Variants in AZIN1 observed in about 807,000 individuals in gnomAD.
The protein encoded by AZIN1 is antizyme inhibitor 1, also known as ornithine decarboxylase antizyme inhibitor.
In AZIN1, 12 loss-of-function variants were observed where a neutral mutation model predicts 47.4. That is an observed-to-expected ratio of 0.25 (90% CI 0.16 to 0.41). The LOEUF is 0.41. Ranked by LOEUF, AZIN1 falls within the 10% of genes least tolerant of loss-of-function variation. The pLI is 1.00. For synonymous variants in AZIN1, 155 were observed against 176.3 expected (o/e 0.88, Z 0.96); for missense variants, 410 against 532.4 (o/e 0.77, Z 2.26).
rs574640320 is a variant in AZIN1 at position 102,826,650 on chromosome 8, A to G, written c.*1917T>C. The G allele has an allele frequency of 6.5e-6, 1 of 152,758 alleles. No individual in the cohort carries two copies. Among genetic ancestry groups the G allele is most frequent in the Non-Finnish European group, 1.5e-5 (1 of 68,028 alleles). 9.5% of individuals were successfully genotyped at this position (152,758 alleles called of 1,614,324 possible). On this transcript the variant is annotated 3_prime_UTR_variant, in exon 12 of 12. Coordinates refer to ENST00000337198, the MANE Select transcript of AZIN1 (RefSeq NM_148174.4). ...TATTTGCAACTCTGAGCTATTTCTT[A>G]TAGAACAGCTCTCCTGCAGATATGG...
chr8:102,854,272 G>A (rs1300106254), intron 2 of AZIN1, among the ~76,000 whole-genome samples: 2 of 152,102 alleles, frequency 1.3e-5, no homozygotes, highest in East Asian at 3.9e-4. Context: ...AACTTACAGT[G>A]AAACATGAGG....
intron 1 of AZIN1, among the ~76,000 whole-genome samples, chr8:102,860,419 T>C (rs959181227): frequency 9.9e-5 from 15 of 152,128 alleles, no homozygotes; most frequent in African/African-American, 3.6e-4. Flanking sequence ...TGTGCCACCA[T>C]GCCCGGCTAA....
rs369799853 is a variant in AZIN1 at position 102,829,336 on chromosome 8, C to G, written c.1171G>C (p.Glu391Gln). 161 of 1,613,808 alleles carry G rather than the reference C, an allele frequency of 1.0e-4. No homozygotes were observed. The highest frequency in any genetic ancestry group is 1.3e-4 in the Non-Finnish European group (154 of 1,179,898). ...TGAAAATCATTAAAAGCAGATGGTT[C>G]ATGGAAAGAATCTGCTCCCATGTTA... ...FDNMGADSFH[E>Q]PSAFNDFQRP... The change falls in exon 11 of 12, where the codon GAA becomes CAA. Residue 391 changes from glutamate to glutamine, a missense_variant. By Grantham distance (29) the Glu-to-Gln change is conservative. Around this residue, in one of 3 missense-constraint regions of AZIN1, gnomAD observed 168 missense variants for 198.3 expected, o/e 0.85. Transcript: ENST00000337198.
chr8:102,831,983 C>T lies in AZIN1; in HGVS notation c.904+1073G>A, dbSNP rs527885526. ...TAGCATCATCAATATTAGAATTGGC[C>T]ACTATCATGTGCCTCCTAACATGAT... On this transcript the variant is annotated intron_variant, in intron 9 of 11. Transcript: ENST00000337198. 2.9e-4 allele frequency among the ~76,000 whole-genome samples: 44 copies of T among 152,160 alleles called. 1 individual carries two copies. Among genetic ancestry groups the T allele is most frequent in the South Asian group, 2.1e-4 (1 of 4,818 alleles).
intron 5 of AZIN1, among the ~76,000 whole-genome samples, chr8:102,837,030 G>C (rs1586165842): frequency 6.6e-6 from 1 of 151,922 alleles, no homozygotes; most frequent in East Asian, 1.9e-4. Context: ...CAATTCTCCT[G>C]CCTCAGCCTC....
At chr8:102,863,065 G>T (rs1813821624) in intron 1 of AZIN1, among the ~76,000 whole-genome samples, 1 of 152,232 alleles carries the variant, frequency 6.6e-6, no homozygotes, top group South Asian at 2.1e-4. Flanking sequence ...GAGTGAAGGC[G>T]ACTTGACCCA....
intron 3 of AZIN1, 129 bp from the exon 4 acceptor site, chr8:102,839,952 T>C: frequency 3.7e-6 from 2 of 537,838 alleles, no homozygotes; most frequent in Non-Finnish European, 6.3e-6. Context: ...CATACAGTAA[T>C]ACATTTAAAG....
At chr8:102,836,486 C>T (rs1162836748) in intron 5 of AZIN1, 96 bp from the exon 6 acceptor site, 1 of 1,329,828 alleles carries the variant, frequency 7.5e-7, no homozygotes, top group Admixed American at 2.0e-5. Context: ...GATTATGTTG[C>T]CAGTGCTCCC....
At position 102,864,058 on chromosome 8, in the gene AZIN1, C is replaced by T. The variant is rs537466128; in HGVS notation, c.-485G>A. Reference sequence around the variant, plus strand: ...GCTGGGTGGGAAGAGGATTCGGACTCGTCACACTGCAGAGCAGCAGAGCGA... The same window carrying T: ...GCTGGGTGGGAAGAGGATTCGGACTTGTCACACTGCAGAGCAGCAGAGCGA... On this transcript the variant is annotated 5_prime_UTR_variant, in exon 1 of 12. Transcript: ENST00000337198. 9 of 158,546 alleles carry T rather than the reference C, an allele frequency of 5.7e-5. No homozygotes were observed. The highest frequency in any genetic ancestry group is 9.7e-5 in the Non-Finnish European group (7 of 72,058). 9.8% of individuals were successfully genotyped at this position (158,546 alleles called of 1,614,324 possible). A position where few individuals can be genotyped will look rare whatever the true frequency, so the allele number is the denominator to read the frequency against.
In AZIN1 at chr8:102,832,079, T is replaced by G. The variant is rs556140039; in HGVS notation, c.904+977A>C. On this transcript the variant is annotated intron_variant, in intron 9 of 11. Coordinates refer to ENST00000337198, the MANE Select transcript of AZIN1 (RefSeq NM_148174.4). ...AATGCATAGCCTAAAAAATTAATCA[T>G]GAGGAATCATCCAACAAACCCAAAC... Among the ~76,000 whole-genome samples, 292 of 152,286 alleles carry G rather than the reference T, an allele frequency of 1.9e-3. 1 individual carries two copies. Among genetic ancestry groups the G allele is most frequent in the African/African-American group, 6.8e-3 (284 of 41,556 alleles).
chr8:102,834,446 G>C (rs1343053449), intron 7 of AZIN1, among the ~76,000 whole-genome samples, 183 bp from the exon 8 acceptor site: 3 of 152,026 alleles, frequency 2.0e-5, no homozygotes, highest in Non-Finnish European at 2.9e-5. Flanking sequence ...GATTTTATTT[G>C]TACTCTCTTC....
chr8:102,840,667 T>C (rs932680885), intron 3 of AZIN1, among the ~76,000 whole-genome samples: 2 of 152,238 alleles, frequency 1.3e-5, no homozygotes, highest in East Asian at 3.8e-4. Flanking sequence ...AGATGACTTA[T>C]GCAGTTGGAC....
intron 1 of AZIN1, among the ~76,000 whole-genome samples, chr8:102,860,929 AAAAC>A (rs770240948): frequency 1.3e-5 from 2 of 152,226 alleles, no homozygotes; most frequent in Admixed American, 6.5e-5. Context: ...ATGGTAATGA[AAAAC>A]AAAGGAAGAC....
chr8:102,845,637 T>TA (rs1039487193), intron 2 of AZIN1, among the ~76,000 whole-genome samples: 1 of 151,956 alleles, frequency 6.6e-6, no homozygotes, highest in Non-Finnish European at 1.5e-5. Context: ...TAAGAACAAT[T>TA]AAAAAAATAA....
Position 102,833,222 on chromosome 8 carries a change from T to C in AZIN1, c.742-4A>G, listed in dbSNP as rs772369106. 6.2e-7 allele frequency: 1 copy of C among 1,609,276 alleles called. No individual in the cohort carries two copies. The highest frequency in any genetic ancestry group is 8.5e-7 in the Non-Finnish European group (1 of 1,178,064). On this transcript the variant is annotated splice_region_variant and splice_polypyrimidine_tract_variant and intron_variant, in intron 8 of 11. Coordinates refer to ENST00000337198, the MANE Select transcript of AZIN1 (RefSeq NM_148174.4). The stretch of plus-strand genomic sequence containing the variant: ...GAGGGCTGATAACATGATTAACCTA[T>C]GGATTTTAAATGCCACAGTATGGTT...
intron 2 of AZIN1, chr8:102,854,627 T>TATATA (rs1554583734): frequency 2.7e-5 from 3 of 109,846 alleles, no homozygotes; most frequent in Non-Finnish European, 6.1e-5. Flanking sequence ...TATATATATA[T>TATATA]TTTTTTTCCC....
At chr8:102,860,482 C>A (rs1813570531) in intron 1 of AZIN1, among the ~76,000 whole-genome samples, 1 of 152,082 alleles carries the variant, frequency 6.6e-6, no homozygotes, top group Non-Finnish European at 1.5e-5. Flanking sequence ...CCAGGCTGGT[C>A]TCGAACTCCT....
rs545331773 is a variant in AZIN1 at position 102,827,705 on chromosome 8, C to G, written c.*862G>C. ...AGGTACTCTATGCATTCTATCTATA[C>G]AGAAACACCTATTTATTATTACAGT... On this transcript the variant is annotated 3_prime_UTR_variant, in exon 12 of 12. Transcript: ENST00000337198. 2.0e-5 allele frequency: 3 copies of G among 152,710 alleles called. No individual in the cohort carries two copies. The South Asian group carries it at 6.2e-4, about 32-fold the overall frequency. The allele number at this position is 152,710 out of a possible 1,614,324, so 9.5% of individuals were successfully genotyped here. A position where few individuals can be genotyped will look rare whatever the true frequency, so the allele number is the denominator to read the frequency against.
chr8:102,842,674 T>C (rs866731600), intron 3 of AZIN1, among the ~76,000 whole-genome samples: 11 of 143,902 alleles, frequency 7.6e-5, no homozygotes, highest in Admixed American at 1.4e-4. Flanking sequence ...GCCATTGCCC[T>C]CCAGCCTGGG....
Sources: gnomAD v4.1 joint callset for allele counts (sites outside exome capture counted in the v4.1 genomes callset) on GRCh38, gnomAD v4.1.1 for gene constraint, gnomAD v4.1.1 regional missense constraint, MANE v1.5 for transcripts, NCBI Gene and HGNC (gene_info 2026-07-23, HGNC 2026-07-21) for gene names.